DOCK1: variants seen among roughly 807,000 people sequenced by gnomAD.
DOCK1 encodes dedicator of cytokinesis protein 1.
DOCK1 carries 138 observed loss-of-function variants against 262.7 expected under a neutral mutation model. The observed-to-expected ratio is 0.53, with a 90% confidence interval of 0.46 to 0.61. The LOEUF (loss-of-function observed/expected upper bound fraction) is 0.61. Among genes scored for constraint, DOCK1 ranks in the 20% least tolerant of loss-of-function variants. The pLI is 0.00. For synonymous variants in DOCK1, 866 were observed against 867.4 expected (o/e 1.00, Z 0.03); for missense variants, 1,908 against 2,370.7 (o/e 0.80, Z 4.05).
At chr10:127,302,823 A>C (rs529901392) in intron 29 of DOCK1, among the ~76,000 whole-genome samples, 56 of 150,820 alleles carry the variant, frequency 3.7e-4, no homozygotes, top group African/African-American at 1.3e-3. Context: ...ACACTTCAAA[A>C]TGGGTGAGAA....
chr10:127,293,161 C>G (rs2061401703), intron 29 of DOCK1, among the ~76,000 whole-genome samples: 1 of 152,092 alleles, frequency 6.6e-6, no homozygotes, highest in East Asian at 1.9e-4. Context: ...GCTGCTAGCC[C>G]AGGGCCACAA....
intron 21 of DOCK1, among the ~76,000 whole-genome samples, chr10:127,049,483 T>C (rs1564762414): frequency 6.6e-6 from 1 of 152,110 alleles, no homozygotes; most frequent in Non-Finnish European, 1.5e-5. Context: ...ATCACGCTAC[T>C]GCACGCCAGC....
chr10:127,377,144 A>C (rs2065541654), intron 35 of DOCK1, among the ~76,000 whole-genome samples: 1 of 152,206 alleles, frequency 6.6e-6, no homozygotes, highest in Admixed American at 6.5e-5. Flanking sequence ...GGGGATGATA[A>C]AATGGATCCC....
intron 1 of DOCK1, among the ~76,000 whole-genome samples, chr10:126,950,719 G>A: frequency 6.6e-6 from 1 of 152,258 alleles, no homozygotes; most frequent in Middle Eastern, 3.4e-3. Flanking sequence ...CTTTGCCTCA[G>A]AGTCTTTGTG....
chr10:127,067,082 G>A (rs1026677186), intron 23 of DOCK1, among the ~76,000 whole-genome samples: 2 of 152,228 alleles, frequency 1.3e-5, no homozygotes, highest in Non-Finnish European at 2.9e-5. Context: ...GCTTTCCATC[G>A]AAGTGGACAT....
intron 27 of DOCK1, among the ~76,000 whole-genome samples, chr10:127,188,362 A>AAT (rs1223668477): frequency 3.3e-5 from 5 of 152,186 alleles, no homozygotes. Context: ...CCATAGTAGG[A>AAT]ATAGGGCATA....
At position 127,433,330 on chromosome 10, in the gene DOCK1, G is replaced by A. The variant is rs1344872023; in HGVS notation, c.4962G>A (p.Val1654=). ...DRRGSRPRSM[V]RSFTMPSSSR... ...GAGGCAGCCGCCCCCGGTCCATGGT[G>A]CGGTCCTTCACGATGCCTTCCTCAT... The change falls in exon 48 of 52, where the codon GTG becomes GTA. Residue 1654 remains valine, a synonymous_variant. Transcript: ENST00000623213. 9.3e-6 allele frequency: 15 copies of A among 1,613,846 alleles called. No individual in the cohort carries two copies. Among genetic ancestry groups the A allele is most frequent in the Middle Eastern group, 1.6e-4 (1 of 6,084 alleles).
intron 10 of DOCK1, among the ~76,000 whole-genome samples, chr10:127,005,801 G>A (rs1171906578): frequency 6.6e-6 from 1 of 152,056 alleles, no homozygotes; most frequent in Non-Finnish European, 1.5e-5. Flanking sequence ...GTCCTACCAT[G>A]TATTTGTTTA....
intron 31 of DOCK1, among the ~76,000 whole-genome samples, chr10:127,348,780 T>A (rs1194782614): frequency 6.6e-6 from 1 of 152,178 alleles, no homozygotes; most frequent in Non-Finnish European, 1.5e-5. Flanking sequence ...GAAGATTATG[T>A]CAAACTCTAG....
chr10:127,250,001 A>G (rs2059570695), intron 28 of DOCK1, among the ~76,000 whole-genome samples: 1 of 152,226 alleles, frequency 6.6e-6, no homozygotes. Flanking sequence ...GCATAGCGAA[A>G]TCAAATTTTA....
At chr10:126,993,112 A>C (rs1381816421) in intron 6 of DOCK1, among the ~76,000 whole-genome samples, 4 of 152,248 alleles carry the variant, frequency 2.6e-5, no homozygotes, top group Non-Finnish European at 5.9e-5. Context: ...CTCCAAGCTT[A>C]GGTTTCCTCC....
intron 24 of DOCK1, among the ~76,000 whole-genome samples, chr10:127,109,407 TAA>T (rs1267046237): frequency 6.6e-6 from 1 of 152,250 alleles, no homozygotes; most frequent in Non-Finnish European, 1.5e-5. Flanking sequence ...TTACAAACGA[TAA>T]AGTCACCTAT....
intron 27 of DOCK1, among the ~76,000 whole-genome samples, chr10:127,132,467 A>G (rs2050382307): frequency 1.3e-5 from 2 of 152,234 alleles, no homozygotes; most frequent in African/African-American, 4.8e-5. Flanking sequence ...ATGCTGTAGA[A>G]GCATGGAGTG....
Position 127,018,824 on chromosome 10 carries a change from T to TAA in DOCK1, c.1317_1318dup (p.Ile440LysfsTer13). ...GCTCGAAAAACAGGGTTTCCGGAGA[T>TAA]AATCATGCCTGGTAAGAACTGGCTT... On this transcript the variant is annotated frameshift_variant, in exon 13 of 52. Transcript: ENST00000623213. LOFTEE classifies it high-confidence loss of function. 6.2e-7 allele frequency: 1 copy of TAA among 1,613,902 alleles called. No individual in the cohort carries two copies. Among genetic ancestry groups the TAA allele is most frequent in the Non-Finnish European group, 8.5e-7 (1 of 1,179,844 alleles).
At chr10:126,950,150 G>C (rs1320006544) in intron 1 of DOCK1, among the ~76,000 whole-genome samples, 1 of 152,018 alleles carries the variant, frequency 6.6e-6, no homozygotes. Flanking sequence ...GGTAGTCCAC[G>C]AGAAGCAGTC....
At chr10:127,140,653 GTTTGACACAC>G (rs113282710) in intron 27 of DOCK1, among the ~76,000 whole-genome samples, 7,735 of 152,256 alleles carry the variant, frequency 0.051, 664 homozygotes, top group African/African-American at 0.18. Context: ...TCTGGGTTGA[GTTTGACACAC>G]CGAGTCTCTG....
At chr10:127,246,128 T>C (rs537034008) in intron 27 of DOCK1, among the ~76,000 whole-genome samples, 1 of 152,188 alleles carries the variant, frequency 6.6e-6, no homozygotes, top group African/African-American at 2.4e-5. Context: ...CTACCTTGTG[T>C]TGGTCATCAG....
At chr10:127,060,966 C>T (rs1184829862) in intron 22 of DOCK1, among the ~76,000 whole-genome samples, 1 of 152,196 alleles carries the variant, frequency 6.6e-6, no homozygotes, top group Non-Finnish European at 1.5e-5. Flanking sequence ...TGGCGGCTCA[C>T]GCCTGTAATC....
chr10:126,943,366 C>G (rs1234497885), intron 1 of DOCK1, among the ~76,000 whole-genome samples: 1 of 152,202 alleles, frequency 6.6e-6, no homozygotes, highest in Non-Finnish European at 1.5e-5. Flanking sequence ...TGGAACCAAA[C>G]TGCTTGGGAT....
Sources: allele counts gnomAD v4.1 joint callset (sites outside exome capture counted in the v4.1 genomes callset), GRCh38; gene constraint gnomAD v4.1.1; transcripts MANE v1.5; gene names NCBI Gene and HGNC (gene_info 2026-07-23, HGNC 2026-07-21).